PLEKHH2: variants seen among roughly 807,000 people sequenced by gnomAD.
PLEKHH2 encodes pleckstrin homology domain-containing family H member 2.
A neutral mutation model predicts 187.9 loss-of-function variants in PLEKHH2; 129 were observed. The observed-to-expected ratio is 0.69, with a 90% CI of 0.59 to 0.79. The LOEUF (loss-of-function observed/expected upper bound fraction) is 0.79, where lower values mean the gene tolerates loss of function less well. Among genes scored for constraint, PLEKHH2 ranks in the 30% least tolerant of loss-of-function variants. The pLI is 0.00. For synonymous variants in PLEKHH2, 686 were observed against 605.6 expected (o/e 1.13, Z -1.95); for missense variants, 2,076 against 1,751.2 (o/e 1.19, Z -3.31).
intron 2 of PLEKHH2, among the ~76,000 whole-genome samples, chr2:43,673,058 A>G (rs1283316232): frequency 6.6e-6 from 1 of 152,182 alleles, no homozygotes; most frequent in Non-Finnish European, 1.5e-5. Flanking sequence ...TTTCATATAT[A>G]TTTAAAACAT....
In PLEKHH2 at chr2:43,729,725, T is replaced by A; in HGVS notation, c.2810T>A (p.Leu937Gln). ...SEFEQLVCKL[L>Q]NIDGEPSSQI... ...TTTGAACAACTGGTTTGCAAATTGC[T>A]AAATATAGACGGGGAGCCTTGTAAG... Residue 937 changes from leucine (L) to glutamine (Q), a missense_variant, in exon 18 of 30, where the codon CTA (leucine) becomes CAA (glutamine). Coordinates refer to ENST00000282406, the MANE Select transcript of PLEKHH2 (RefSeq NM_172069.4). The A allele has an allele frequency of 6.2e-7, 1 of 1,604,230 alleles. No homozygotes were observed. The highest frequency in any genetic ancestry group is 1.1e-5 in the South Asian group (1 of 88,892).
rs1478641742 is a variant in PLEKHH2 at position 43,694,524 on chromosome 2, G to A, written c.420+10G>A. The A allele has an allele frequency of 6.5e-7, 1 of 1,532,112 alleles. No individual in the cohort carries two copies. The highest frequency in any genetic ancestry group is 8.8e-7 in the Non-Finnish European group (1 of 1,134,432). The allele number at this position is 1,532,112 out of a possible 1,614,324, so 94.9% of individuals were successfully genotyped here. On this transcript the variant is annotated intron_variant, in intron 5 of 29. Transcript: ENST00000282406. ...AGTTAAGTTAAATGAGGTATTTATT[G>A]CTATATGTTTTCCTTTTCTTTACCT... is the stretch of plus-strand genomic sequence containing the variant.
intron 13 of PLEKHH2, 64 bp downstream of exon 13, chr2:43,710,394 G>A: frequency 1.3e-6 from 2 of 1,580,866 alleles, no homozygotes; most frequent in Non-Finnish European, 1.7e-6. Context: ...ACGCCTGATT[G>A]ATTTCCTTCC....
chr2:43,639,339 G>A (rs1188580174), intron 1 of PLEKHH2, among the ~76,000 whole-genome samples: 3 of 152,104 alleles, frequency 2.0e-5, no homozygotes, highest in African/African-American at 7.2e-5. Flanking sequence ...ATATTCACAA[G>A]GTTGTATAGC....
At position 43,745,939 on chromosome 2, in the gene PLEKHH2, C is replaced by G. The variant is rs1473790982; in HGVS notation, c.3629C>G (p.Thr1210Ser). 3.1e-6 allele frequency: 5 copies of G among 1,610,870 alleles called. No homozygotes were observed. Among genetic ancestry groups the G allele is most frequent in the Admixed American group, 1.7e-5 (1 of 59,826 alleles). The change falls in exon 24 of 30, where the codon ACT becomes AGT. Residue 1210 changes from threonine to serine, a missense_variant. Coordinates refer to ENST00000282406, the MANE Select transcript of PLEKHH2 (RefSeq NM_172069.4). ...QQPGKCEGTR[T>S]VRLTYKNRLY... ...CCTGGAAAATGTGAAGGTACAAGGA[C>G]TGTTCGTCTGACATACAAAAACAGG...
At chr2:43,692,953 AC>A (rs1157034937) in intron 4 of PLEKHH2, among the ~76,000 whole-genome samples, 2 of 152,158 alleles carry the variant, frequency 1.3e-5, no homozygotes, top group African/African-American at 4.8e-5. Flanking sequence ...TTGCTCTGTC[AC>A]CCAAGCTGAA....
chr2:43,762,257 A>G, intron 27 of PLEKHH2, 47 bp from the exon 28 acceptor site: 3 of 1,357,146 alleles, frequency 2.2e-6, no homozygotes, highest in Non-Finnish European at 3.1e-6. Flanking sequence ...ATATTCCTGT[A>G]ATTTTGCTTA....
At chr2:43,740,143 A>C (rs970098717) in intron 20 of PLEKHH2, among the ~76,000 whole-genome samples, 1 of 152,180 alleles carries the variant, frequency 6.6e-6, no homozygotes, top group Non-Finnish European at 1.5e-5. Context: ...TTTTAATATA[A>C]CGTTTTAAAA....
chr2:43,757,684 C>T (rs1034977771), intron 26 of PLEKHH2, among the ~76,000 whole-genome samples: 2 of 152,078 alleles, frequency 1.3e-5, no homozygotes, highest in South Asian at 4.1e-4. Context: ...TCCCAAAGTG[C>T]TGGGATTAGA....
intron 17 of PLEKHH2, among the ~76,000 whole-genome samples, chr2:43,728,875 T>G (rs1203218493): frequency 6.6e-6 from 1 of 152,200 alleles, no homozygotes; most frequent in East Asian, 1.9e-4. Context: ...AATACTCTTT[T>G]TAAAATAATT....
Position 43,698,986 on chromosome 2 carries a change from G to A in PLEKHH2, c.689-661G>A, listed in dbSNP as rs938449115. ...ATGATTTTGCATATCTCAATGTATC[G>A]AAGTTTGGTGCAAGGTCTGTTTATT... On this transcript the variant is annotated intron_variant, in intron 7 of 29. Coordinates refer to ENST00000282406, the MANE Select transcript of PLEKHH2 (RefSeq NM_172069.4). 2.0e-5 allele frequency among the ~76,000 whole-genome samples: 3 copies of A among 152,116 alleles called. No homozygotes were observed. In the South Asian group the frequency reaches 6.2e-4, roughly 32 times the overall value.
intron 3 of PLEKHH2, chr2:43,681,313 G>A: frequency 1.2e-6 from 1 of 825,702 alleles, no homozygotes; most frequent in East Asian, 2.5e-5. Context: ...CTGTGTTGGT[G>A]AGGAATTTGG....
chr2:43,740,763 C>G, intron 20 of PLEKHH2, 183 bp from the exon 21 acceptor site: 1 of 1,113,056 alleles, frequency 9.0e-7, no homozygotes, highest in East Asian at 3.4e-5. Flanking sequence ...GATCATAGAT[C>G]TGACCCAATG....
At chr2:43,714,032 A>G (rs1336850980) in intron 15 of PLEKHH2, among the ~76,000 whole-genome samples, 1 of 152,252 alleles carries the variant, frequency 6.6e-6, no homozygotes, top group Non-Finnish European at 1.5e-5. Flanking sequence ...GGGTTAGGGA[A>G]CAAAATATTT....
At chr2:43,745,209 G>A (rs1159791676) in intron 23 of PLEKHH2, among the ~76,000 whole-genome samples, 6 of 152,160 alleles carry the variant, frequency 3.9e-5, no homozygotes, top group South Asian at 2.1e-4. Context: ...TCAGCTACTC[G>A]GGAGACTGAG....
At position 43,764,349 on chromosome 2, in the gene PLEKHH2, C is replaced by T. The variant is rs113576347; in HGVS notation, c.4280C>T (p.Ala1427Val). 5.3e-4 allele frequency: 854 copies of T among 1,612,268 alleles called. 9 individuals are homozygous for T. In the South Asian group the frequency reaches 6.4e-3, roughly 12 times the overall value. Reference sequence around the variant, plus strand: ...AAACCAACAGAGAAATTACTTTTTGCCATGGCAAAACCCAAGGTGAGTAGA... The same window carrying T: ...AAACCAACAGAGAAATTACTTTTTGTCATGGCAAAACCCAAGGTGAGTAGA... The part of the protein sequence containing the change: ...KDKPTEKLLF[A>V]MAKPKILEIT... The change falls in exon 29 of 30, where the codon GCC becomes GTC. Residue 1427 changes from alanine to valine, a missense_variant. By Grantham distance (64) the Ala-to-Val change is moderately conservative. Transcript: ENST00000282406.
intron 20 of PLEKHH2, among the ~76,000 whole-genome samples, chr2:43,738,735 T>C (rs1671420177): frequency 6.6e-6 from 1 of 152,184 alleles, no homozygotes. Flanking sequence ...GTTTTTTATA[T>C]TGCTGGAGTT....
At position 43,765,887 on chromosome 2, in the gene PLEKHH2, A is replaced by G. The variant is rs1401063266; in HGVS notation, c.*289A>G. 1 of 303,458 alleles carries G rather than the reference A, an allele frequency of 3.3e-6. No homozygotes were observed. Among genetic ancestry groups the G allele is most frequent in the Non-Finnish European group, 6.0e-6 (1 of 166,958 alleles). The allele number at this position is 303,458 out of a possible 1,614,324, so 18.8% of individuals were successfully genotyped here. On this transcript the variant is annotated 3_prime_UTR_variant, in exon 30 of 30. Transcript: ENST00000282406. ...CCCTTGTCATCAGACACATTGTGCA[A>G]TGTGGCTTTTCTTTTCTTTTCTTTT...
Position 43,679,000 on chromosome 2 carries a change from G to C in PLEKHH2, c.186+75G>C, listed in dbSNP as rs111308701. 1.2e-4 allele frequency: 116 copies of C among 987,314 alleles called. No homozygotes were observed. In the African/African-American group the frequency reaches 1.6e-3, roughly 13 times the overall value. 61.2% of individuals were successfully genotyped at this position (987,314 alleles called of 1,614,324 possible). A position where few individuals can be genotyped will look rare whatever the true frequency, so the allele number is the denominator to read the frequency against. Reference sequence around the variant, plus strand: ...AAGATTGTTTTGCTCATAATGGAAAGACAATTATCAGCCCACCTCTACATC... The same window carrying C: ...AAGATTGTTTTGCTCATAATGGAAACACAATTATCAGCCCACCTCTACATC... On this transcript the variant is annotated intron_variant, in intron 3 of 29. Coordinates refer to ENST00000282406, the MANE Select transcript of PLEKHH2 (RefSeq NM_172069.4).
Sources: allele counts gnomAD v4.1 joint callset (sites outside exome capture counted in the v4.1 genomes callset), GRCh38; gene constraint gnomAD v4.1.1; transcripts MANE v1.5; gene names NCBI Gene and HGNC (gene_info 2026-07-23, HGNC 2026-07-21).